The following ADAM12 variants were observed in gnomAD, a reference collection of about 807,000 sequenced individuals.
ADAM12 encodes disintegrin and metalloproteinase domain-containing protein 12.
In ADAM12, 70 loss-of-function variants were observed where a neutral mutation model predicts 106.4. The ratio of observed to expected loss-of-function variants is 0.66; its 90% CI spans 0.54 to 0.80. The LOEUF (loss-of-function observed/expected upper bound fraction) is 0.80. Among genes scored for constraint, ADAM12 ranks in the 30% least tolerant of loss-of-function variants. The probability of loss-of-function intolerance (pLI) is 0.00; values close to 1 mark genes in which losing one functional copy is unlikely to be tolerated. For missense variants in ADAM12, 1,010 were observed against 1,171.9 expected (o/e 0.86, Z 2.02); for synonymous variants, 420 against 433.5 (o/e 0.97, Z 0.39).
At chr10:126,074,705 A>G (rs746743368) in intron 11 of ADAM12, among the ~76,000 whole-genome samples, 2 of 152,208 alleles carry the variant, frequency 1.3e-5, no homozygotes, top group African/African-American at 2.4e-5. Flanking sequence ...AATGGTCGTC[A>G]TCCAATTCAC....
chr10:126,277,220 T>A (rs1959301439), intron 3 of ADAM12, among the ~76,000 whole-genome samples: 1 of 152,200 alleles, frequency 6.6e-6, no homozygotes. Context: ...TTCCCCCCTA[T>A]AATGTTCAGT....
intron 3 of ADAM12, among the ~76,000 whole-genome samples, chr10:126,238,477 T>TCAAA (rs750062554): frequency 1.3e-5 from 2 of 152,134 alleles, no homozygotes; most frequent in African/African-American, 4.8e-5. Context: ...AAACTCCATC[T>TCAAA]CAAACAAACA....
chr10:126,172,203 A>G (rs992848836), intron 3 of ADAM12, among the ~76,000 whole-genome samples: 6 of 152,236 alleles, frequency 3.9e-5, no homozygotes, highest in Non-Finnish European at 5.9e-5. Context: ...GGATCCAACC[A>G]GAAAGTAGAT....
intron 3 of ADAM12, among the ~76,000 whole-genome samples, chr10:126,243,181 C>A (rs915969052): frequency 6.6e-6 from 1 of 152,218 alleles, no homozygotes; most frequent in Non-Finnish European, 1.5e-5. Flanking sequence ...GCATGGAGGC[C>A]GCCCTGGCTG....
intron 2 of ADAM12, among the ~76,000 whole-genome samples, chr10:126,279,718 A>ACTT (rs1321457747): frequency 2.8e-5 from 3 of 106,178 alleles, no homozygotes; most frequent in Non-Finnish European, 6.4e-5. Flanking sequence ...CAAGAGCGAA[A>ACTT]CTTCGTCTCA....
chr10:126,112,686 G>T (rs1351678356), intron 6 of ADAM12, among the ~76,000 whole-genome samples: 2 of 152,174 alleles, frequency 1.3e-5, no homozygotes, highest in African/African-American at 2.4e-5. Flanking sequence ...AATCCTCATT[G>T]CAATTCTTTC....
In ADAM12 at chr10:126,036,433, G is replaced by A. The variant is rs1038436084; in HGVS notation, c.2350-108C>T. 5.5e-6 allele frequency: 6 copies of A among 1,100,260 alleles called. No homozygotes were observed. The African/African-American group carries it at 8.3e-5, about 15-fold the overall frequency. 68.2% of individuals were successfully genotyped at this position (1,100,260 alleles called of 1,614,324 possible). A position where few individuals can be genotyped will look rare whatever the true frequency, so the allele number is the denominator to read the frequency against. ...ATCTGTTATAGCTGAAGGCCAAGGTGGGGTAAAGGAAAGAAATCAAGGATG... is the reference window on the plus strand; with the variant it reads ...ATCTGTTATAGCTGAAGGCCAAGGTAGGGTAAAGGAAAGAAATCAAGGATG... On this transcript the variant is annotated intron_variant, in intron 20 of 22. Coordinates refer to ENST00000448723, the MANE Select transcript of ADAM12 (RefSeq NM_001288973.2).
At chr10:126,296,657 C>T in intron 2 of ADAM12, among the ~76,000 whole-genome samples, 1 of 152,108 alleles carries the variant, frequency 6.6e-6, no homozygotes, top group East Asian at 1.9e-4. Flanking sequence ...CAGATATGAG[C>T]CACCTAATTT....
chr10:126,328,875 C>T (rs912107793), intron 2 of ADAM12, among the ~76,000 whole-genome samples: 12 of 152,222 alleles, frequency 7.9e-5, no homozygotes, highest in African/African-American at 2.9e-4. Context: ...CCACAAGCAC[C>T]AGGTGGTAAG....
At chr10:126,237,136 A>G (rs763328293) in intron 3 of ADAM12, among the ~76,000 whole-genome samples, 8 of 152,066 alleles carry the variant, frequency 5.3e-5, no homozygotes, top group Non-Finnish European at 8.8e-5. Context: ...AAATACCCTC[A>G]TGACACATCT....
chr10:126,307,719 T>C lies in ADAM12; in HGVS notation c.186+22693A>G, dbSNP rs142048092. Reference sequence around the variant, plus strand: ...CCATGCCCAGCTAATTTTTGTATTTTAGTAGAGACAGGGTTTCACTATGTT... The same window carrying C: ...CCATGCCCAGCTAATTTTTGTATTTCAGTAGAGACAGGGTTTCACTATGTT... On this transcript the variant is annotated intron_variant, in intron 2 of 22. Transcript: ENST00000448723. Among the ~76,000 whole-genome samples, 11 of 152,220 alleles carry C rather than the reference T, an allele frequency of 7.2e-5. No homozygotes were observed. The East Asian group carries it at 1.7e-3, about 24-fold the overall frequency.
chr10:126,062,366 G>A (rs1954775234), intron 14 of ADAM12, among the ~76,000 whole-genome samples: 1 of 152,070 alleles, frequency 6.6e-6, no homozygotes, highest in South Asian at 2.1e-4. Flanking sequence ...GCTAAGCCAG[G>A]AGCTCCCAGG....
At chr10:126,290,589 T>C (rs542826503) in intron 2 of ADAM12, among the ~76,000 whole-genome samples, 1 of 152,354 alleles carries the variant, frequency 6.6e-6, no homozygotes, top group Non-Finnish European at 1.5e-5. Context: ...CTGCACAGCA[T>C]GACAGTGACA....
chr10:126,152,991 A>C (rs1323694019), intron 4 of ADAM12, among the ~76,000 whole-genome samples: 1 of 152,192 alleles, frequency 6.6e-6, no homozygotes, highest in African/African-American at 2.4e-5. Flanking sequence ...AAGCTTATTT[A>C]AATTTATTCA....
At chr10:126,171,901 T>C (rs1304952997) in intron 3 of ADAM12, among the ~76,000 whole-genome samples, 1 of 152,224 alleles carries the variant, frequency 6.6e-6, no homozygotes, top group Non-Finnish European at 1.5e-5. Flanking sequence ...TCATGTGTGC[T>C]GCTAAACTCA....
At chr10:126,177,056 ACG>A (rs964348691) in intron 3 of ADAM12, among the ~76,000 whole-genome samples, 1 of 148,286 alleles carries the variant, frequency 6.7e-6, no homozygotes, top group African/African-American at 2.6e-5. Context: ...ACACACACAC[ACG>A]CACACACACA....
At position 126,036,140 on chromosome 10, in the gene ADAM12, G is replaced by A; in HGVS notation, c.2529+6C>T. On this transcript the variant is annotated splice_donor_region_variant and intron_variant, in intron 21 of 22. Transcript: ENST00000448723. ...ACATCCTATCATATTAGTACTGAAA[G>A]CATACCTGGGCCTGCCTAAGTGCAG... The A allele has an allele frequency of 6.9e-7, 1 of 1,448,576 alleles. No homozygotes were observed. The highest frequency in any genetic ancestry group is 1.6e-5 in the South Asian group (1 of 64,042). The allele number at this position is 1,448,576 out of a possible 1,614,324, so 89.7% of individuals were successfully genotyped here. A position where few individuals can be genotyped will look rare whatever the true frequency, so the allele number is the denominator to read the frequency against.
intron 2 of ADAM12, among the ~76,000 whole-genome samples, chr10:126,307,517 C>T (rs1429424021): frequency 1.3e-5 from 2 of 152,010 alleles, no homozygotes; most frequent in Non-Finnish European, 2.9e-5. Context: ...CCACATCCGA[C>T]AATTTTTGTA....
chr10:126,200,480 G>A (rs999688148), intron 3 of ADAM12, among the ~76,000 whole-genome samples: 1 of 152,138 alleles, frequency 6.6e-6, no homozygotes, highest in African/African-American at 2.4e-5. Flanking sequence ...AAATCAGCAC[G>A]ACTCCTGTCT....
Sources: allele counts gnomAD v4.1 joint callset (sites outside exome capture counted in the v4.1 genomes callset), GRCh38; gene constraint gnomAD v4.1.1; transcripts MANE v1.5; gene names NCBI Gene and HGNC (gene_info 2026-07-23, HGNC 2026-07-21).